The following ERC2 variants were observed in gnomAD, a reference collection of about 807,000 sequenced individuals.
ERC2 encodes the protein ELKS/RAB6-interacting/CAST family member 2.
Under a neutral mutation model 114.8 loss-of-function variants are expected in ERC2, and 42 were observed. The observed-to-expected ratio is 0.37, with a 90% confidence interval of 0.29 to 0.47. ERC2 has a LOEUF of 0.47. ERC2 is among the 20% of genes least tolerant of loss of function. The pLI is 0.99. For synonymous variants in ERC2, 454 were observed against 425.5 expected, an observed-to-expected ratio of 1.07 and a Z score of -0.82; for missense variants, 939 against 1,150.7, an observed-to-expected ratio of 0.82 and a Z score of 2.66.
intron 13 of ERC2, 87 bp downstream of exon 13, chr3:55,950,338 G>A (rs913012116): frequency 3.0e-5 from 46 of 1,514,468 alleles, no homozygotes; most frequent in Non-Finnish European, 4.0e-5. Flanking sequence ...CACCATTTCT[G>A]TGCATATTTT....
At chr3:56,086,507 T>C (rs1307420344) in intron 6 of ERC2, among the ~76,000 whole-genome samples, 2 of 149,864 alleles carry the variant, frequency 1.3e-5, no homozygotes, top group African/African-American at 4.9e-5. Flanking sequence ...TTTTTTTTTT[T>C]AAGATGAAAC....
rs142733547 is a variant in ERC2, at chr3:56,339,980, G to C, written c.658-43545C>G. Among the ~76,000 whole-genome samples the C allele has an allele frequency of 9.2e-5, 14 of 152,294 alleles. No individual in the cohort carries two copies. The Middle Eastern group carries it at 0.01, about 111-fold the overall frequency. Reference sequence around the variant, plus strand: ...GAGGTGCTATGAGAAGTGTGTGAAAGTGAGTCAAAATCACAACCCCAAGAT... The same window carrying C: ...GAGGTGCTATGAGAAGTGTGTGAAACTGAGTCAAAATCACAACCCCAAGAT... On this transcript the variant is annotated intron_variant, in intron 2 of 17. Coordinates refer to ENST00000288221, the MANE Select transcript of ERC2 (RefSeq NM_015576.3).
chr3:55,581,330 T>TG (rs2057250880), intron 17 of ERC2, among the ~76,000 whole-genome samples: 3 of 152,032 alleles, frequency 2.0e-5, no homozygotes, highest in Non-Finnish European at 2.9e-5. Context: ...GCCTGGCCCA[T>TG]GGGGAAAAAA....
chr3:55,700,048 G>A (rs1417827369), intron 15 of ERC2, among the ~76,000 whole-genome samples: 3 of 152,180 alleles, frequency 2.0e-5, no homozygotes, highest in Admixed American at 2.0e-4. Flanking sequence ...GACTTCTTGG[G>A]AAATGGCTCT....
At chr3:56,014,963 A>C (rs2073206687) in intron 8 of ERC2, among the ~76,000 whole-genome samples, 1 of 152,218 alleles carries the variant, frequency 6.6e-6, no homozygotes, top group Non-Finnish European at 1.5e-5. Flanking sequence ...ATCTTATTAA[A>C]TATTCTTATA....
chr3:55,935,158 T>A (rs1238699218), intron 13 of ERC2, among the ~76,000 whole-genome samples: 3 of 152,210 alleles, frequency 2.0e-5, no homozygotes, highest in Admixed American at 2.0e-4. Context: ...ATAAGGCTGC[T>A]GATCAAAATA....
chr3:56,258,397 C>T (rs138565709), intron 3 of ERC2, among the ~76,000 whole-genome samples: 1,796 of 152,320 alleles, frequency 0.012, 30 homozygotes, highest in African/African-American at 0.041. Flanking sequence ...GTGGCTCACG[C>T]CTGTAATCCC....
intron 16 of ERC2, among the ~76,000 whole-genome samples, chr3:55,685,360 A>T (rs1279073911): frequency 3.9e-5 from 6 of 152,208 alleles, no homozygotes. Flanking sequence ...AAACACATTG[A>T]TCATTTTAGC....
chr3:56,154,403 G>GA (rs1163764497), intron 4 of ERC2, among the ~76,000 whole-genome samples: 2 of 152,134 alleles, frequency 1.3e-5, no homozygotes, highest in Non-Finnish European at 2.9e-5. Context: ...TAGATCAAAT[G>GA]AAAAGCAACT....
intron 2 of ERC2, chr3:56,434,138 A>G (rs1304893668): frequency 6.1e-6 from 3 of 488,094 alleles, no homozygotes; most frequent in African/African-American, 1.9e-5. Flanking sequence ...ATCTGCAACC[A>G]TGTGAAAAGG....
At position 55,734,750 on chromosome 3, in the gene ERC2, C is replaced by T. The variant is rs1357479043; in HGVS notation, c.2712+21G>A. The stretch of plus-strand genomic sequence containing the variant: ...AAGCCCCAAACCCAGAAAAACACAC[C>T]TGTCTTGCAGGAGGCCCCACCTGCT... On this transcript the variant is annotated intron_variant, in intron 15 of 17. Coordinates refer to ENST00000288221, the MANE Select transcript of ERC2 (RefSeq NM_015576.3). 5 of 1,591,498 alleles carry T rather than the reference C, an allele frequency of 3.1e-6. No individual in the cohort carries two copies. In the Admixed American group the frequency reaches 7.0e-5, roughly 22 times the overall value.
At chr3:56,049,726 C>T (rs1041829538) in intron 7 of ERC2, among the ~76,000 whole-genome samples, 1 of 152,164 alleles carries the variant, frequency 6.6e-6, no homozygotes. Flanking sequence ...TTGGGACTCA[C>T]ACTGGCTTCC....
intron 2 of ERC2, among the ~76,000 whole-genome samples, chr3:56,318,367 G>T (rs1027910098): frequency 6.6e-6 from 1 of 151,932 alleles, no homozygotes; most frequent in South Asian, 2.1e-4. Context: ...TGTAGAGATG[G>T]GGTTTCACCA....
chr3:55,775,282 A>G (rs1337488303), intron 14 of ERC2, among the ~76,000 whole-genome samples: 2 of 152,186 alleles, frequency 1.3e-5, no homozygotes, highest in African/African-American at 2.4e-5. Flanking sequence ...CTGTAATCCC[A>G]GCATTTTGTA....
At chr3:55,830,731 C>T (rs1395377159) in intron 14 of ERC2, among the ~76,000 whole-genome samples, 1 of 152,038 alleles carries the variant, frequency 6.6e-6, no homozygotes, top group Non-Finnish European at 1.5e-5. Context: ...ATGACTTGAA[C>T]CCAGGAGTCT....
In ERC2 at chr3:55,961,061, C is replaced by A. The variant is rs533580139; in HGVS notation, c.2268-10501G>T. Among the ~76,000 whole-genome samples the A allele has an allele frequency of 3.2e-4, 48 of 152,352 alleles. No homozygotes were observed. In the South Asian group the frequency reaches 9.5e-3, roughly 30 times the overall value. Reference sequence around the variant, plus strand: ...AGCTACTCCGCTGGGGCGGAGGTTGCAGTGAGCCAAGATCGTGCCACTTCA... The same window carrying A: ...AGCTACTCCGCTGGGGCGGAGGTTGAAGTGAGCCAAGATCGTGCCACTTCA... On this transcript the variant is annotated intron_variant, in intron 12 of 17. Transcript: ENST00000288221.
At chr3:56,399,752 C>A (rs1316170854) in intron 2 of ERC2, among the ~76,000 whole-genome samples, 1 of 148,868 alleles carries the variant, frequency 6.7e-6, no homozygotes, top group Non-Finnish European at 1.5e-5. Flanking sequence ...AAATTTAGCA[C>A]AAACCTCTCC....
intron 4 of ERC2, among the ~76,000 whole-genome samples, chr3:56,170,763 ATTTTTTT>A (rs71099618): frequency 8.4e-6 from 1 of 118,606 alleles, no homozygotes; most frequent in Non-Finnish European, 1.7e-5. Flanking sequence ...CACCTGGCTA[ATTTTTTT>A]TTTTTTTTTT....
chr3:56,396,927 T>C (rs2060329800), intron 2 of ERC2, among the ~76,000 whole-genome samples: 1 of 152,026 alleles, frequency 6.6e-6, no homozygotes, highest in Non-Finnish European at 1.5e-5. Context: ...CCACAGCCCT[T>C]CCTTTCTCTA....
Sources: allele counts gnomAD v4.1 joint callset (sites outside exome capture counted in the v4.1 genomes callset), GRCh38; gene constraint gnomAD v4.1.1; transcripts MANE v1.5; gene names NCBI Gene and HGNC (gene_info 2026-07-23, HGNC 2026-07-21).